SLC24A2: variants seen among roughly 807,000 people sequenced by gnomAD.
The protein encoded by SLC24A2 is solute carrier family 24 member 2, also known as sodium/potassium/calcium exchanger 2.
SLC24A2 carries 36 observed loss-of-function variants against 62.0 expected under a neutral mutation model. The ratio of observed to expected loss-of-function variants is 0.58; its 90% CI spans 0.44 to 0.77. SLC24A2 has a LOEUF of 0.77. Among genes scored for constraint, SLC24A2 ranks in the 30% least tolerant of loss-of-function variants. SLC24A2 has a pLI of 0.00. For synonymous variants in SLC24A2, 358 were observed against 294.0 expected (o/e 1.22, Z -2.23); for missense variants, 846 against 817.9 (o/e 1.03, Z -0.42).
At chr9:19,696,520 T>C (rs993582905) in intron 2 of SLC24A2, among the ~76,000 whole-genome samples, 1 of 152,214 alleles carries the variant, frequency 6.6e-6, no homozygotes, top group African/African-American at 2.4e-5. Context: ...GGAAAGTAAC[T>C]GGGATGTGTA....
the SLC24A2 span, among the ~76,000 whole-genome samples, chr9:19,890,100 G>A: frequency 7.9e-5 from 12 of 152,054 alleles, no homozygotes; most frequent in African/African-American, 1.7e-4. Context: ...TTGCACACCC[G>A]TCTCTTTCTC....
At chr9:20,251,415 A>G in the SLC24A2 span, among the ~76,000 whole-genome samples, 1 of 152,140 alleles carries the variant, frequency 6.6e-6, no homozygotes, top group East Asian at 1.9e-4. Context: ...AACACCAAGG[A>G]AAAAAATGAC....
chr9:20,032,982 A>C, the SLC24A2 span, among the ~76,000 whole-genome samples: 8 of 152,226 alleles, frequency 5.3e-5, no homozygotes, highest in African/African-American at 1.2e-4. Flanking sequence ...TGGGGTCAAA[A>C]ATACCTTGGT....
At chr9:20,273,723 T>A in the SLC24A2 span, among the ~76,000 whole-genome samples, 2 of 152,202 alleles carry the variant, frequency 1.3e-5, no homozygotes, top group Admixed American at 6.5e-5. Context: ...GTCTCAGGTA[T>A]GTCTTTATTA....
chr9:20,024,652 G>A, the SLC24A2 span, among the ~76,000 whole-genome samples: 3 of 152,170 alleles, frequency 2.0e-5, no homozygotes, highest in East Asian at 1.9e-4. Flanking sequence ...AATTTAGAAA[G>A]AGTATGAAAA....
At chr9:19,524,193 A>G (rs987639690) in intron 9 of SLC24A2, among the ~76,000 whole-genome samples, 1 of 149,612 alleles carries the variant, frequency 6.7e-6, no homozygotes, top group African/African-American at 2.5e-5. Context: ...GCCAAACTCC[A>G]TGCTGCTCCC....
chr9:19,587,282 A>C (rs1477527919), intron 5 of SLC24A2, among the ~76,000 whole-genome samples: 1 of 152,204 alleles, frequency 6.6e-6, no homozygotes, highest in Non-Finnish European at 1.5e-5. Flanking sequence ...TATATTACCC[A>C]ATCATTTATT....
the SLC24A2 span, among the ~76,000 whole-genome samples, chr9:19,971,140 T>A: frequency 6.6e-6 from 1 of 152,144 alleles, no homozygotes; most frequent in Non-Finnish European, 1.5e-5. Context: ...ATCCTTCTGC[T>A]CGCACAGAGT....
At chr9:20,288,471 A>C in the SLC24A2 span, among the ~76,000 whole-genome samples, 1 of 152,112 alleles carries the variant, frequency 6.6e-6, no homozygotes, top group Non-Finnish European at 1.5e-5. Context: ...TCCAAACTAT[A>C]GAATACAGTG....
At chr9:20,030,456 C>T in the SLC24A2 span, among the ~76,000 whole-genome samples, 1 of 152,176 alleles carries the variant, frequency 6.6e-6, no homozygotes, top group Admixed American at 6.5e-5. Context: ...TTGCACCACA[C>T]AGAAAGGCTC....
intron 2 of SLC24A2, among the ~76,000 whole-genome samples, chr9:19,730,929 A>T (rs946343770): frequency 2.0e-5 from 3 of 151,958 alleles, no homozygotes; most frequent in Non-Finnish European, 2.9e-5. Flanking sequence ...GGAAAAAAAG[A>T]TATTCATCTT....
At chr9:20,094,172 T>A in the SLC24A2 span, among the ~76,000 whole-genome samples, 1 of 152,176 alleles carries the variant, frequency 6.6e-6, no homozygotes, top group Non-Finnish European at 1.5e-5. Context: ...ATATTCTATT[T>A]GACAAATGGG....
At chr9:20,148,566 T>A in the SLC24A2 span, among the ~76,000 whole-genome samples, 1 of 152,118 alleles carries the variant, frequency 6.6e-6, no homozygotes, top group Non-Finnish European at 1.5e-5. Flanking sequence ...TTAATTTAAG[T>A]GCGCAAATAA....
chr9:20,058,458 A>C, the SLC24A2 span, among the ~76,000 whole-genome samples: 3 of 151,246 alleles, frequency 2.0e-5, no homozygotes, highest in Non-Finnish European at 2.9e-5. Flanking sequence ...CTGGAGGCTC[A>C]AAGTATGCTT....
chr9:20,219,458 C>A, the SLC24A2 span, among the ~76,000 whole-genome samples: 1 of 152,164 alleles, frequency 6.6e-6, no homozygotes, highest in South Asian at 2.1e-4. Flanking sequence ...GTATTGCTTC[C>A]TCAAGACTAA....
chr9:20,218,033 T>C, the SLC24A2 span, among the ~76,000 whole-genome samples: 1 of 152,190 alleles, frequency 6.6e-6, no homozygotes, highest in African/African-American at 2.4e-5. Flanking sequence ...TTGGGTATGA[T>C]CTGTGGATTG....
chr9:20,100,557 G>A, the SLC24A2 span, among the ~76,000 whole-genome samples: 2 of 152,204 alleles, frequency 1.3e-5, no homozygotes, highest in Admixed American at 1.3e-4. Flanking sequence ...AGTTCATGAA[G>A]ATGGAAGGCT....
intron 7 of SLC24A2, among the ~76,000 whole-genome samples, chr9:19,565,529 G>A (rs531112272): frequency 6.6e-6 from 1 of 151,068 alleles, no homozygotes; most frequent in East Asian, 1.9e-4. Context: ...TTGTGAAAAT[G>A]GCCACACTGC....
chr9:19,732,171 A>G (rs1821359567), intron 2 of SLC24A2, among the ~76,000 whole-genome samples: 1 of 152,122 alleles, frequency 6.6e-6, no homozygotes, highest in Admixed American at 6.6e-5. Context: ...GCAGGTGCAA[A>G]TATTTGTCCA....
Sources: gnomAD v4.1 joint callset for allele counts (sites outside exome capture counted in the v4.1 genomes callset) on GRCh38, gnomAD v4.1.1 for gene constraint, MANE v1.5 for transcripts, NCBI Gene and HGNC (gene_info 2026-07-23, HGNC 2026-07-21) for gene names.